CMIP: variants seen among roughly 807,000 people sequenced by gnomAD.
The protein encoded by CMIP is C-Maf-inducing protein.
CMIP carries 13 observed loss-of-function variants against 97.3 expected under a neutral mutation model. The observed-to-expected ratio is 0.13, with a 90% confidence interval of 0.09 to 0.21. CMIP has a LOEUF of 0.21. CMIP is among the 10% of genes least tolerant of loss of function. The probability of loss-of-function intolerance (pLI) is 1.00; values close to 1 mark genes in which losing one functional copy is unlikely to be tolerated. For missense variants in CMIP, 847 were observed against 1,024.9 expected, an observed-to-expected ratio of 0.83 and a Z score of 2.37; for synonymous variants, 538 against 436.3, an observed-to-expected ratio of 1.23 and a Z score of -2.91.
chr16:81,473,745 G>A (rs1172838492), intron 1 of CMIP, among the ~76,000 whole-genome samples: 1 of 151,580 alleles, frequency 6.6e-6, no homozygotes, highest in African/African-American at 2.4e-5. Context: ...TTGAGCAGAA[G>A]CTGCAAGCGG....
intron 1 of CMIP, among the ~76,000 whole-genome samples, chr16:81,580,320 C>T (rs528640061): frequency 1.1e-4 from 16 of 152,308 alleles, no homozygotes; most frequent in East Asian, 5.8e-4. Flanking sequence ...GTGAGCTACA[C>T]GCTGGGCACT....
chr16:81,668,700 T>C (rs903520614), intron 7 of CMIP, among the ~76,000 whole-genome samples: 1 of 152,048 alleles, frequency 6.6e-6, no homozygotes, highest in African/African-American at 2.4e-5. Flanking sequence ...CCCCTCATCA[T>C]AGTGACACGT....
chr16:81,542,800 C>G, intron 1 of CMIP, among the ~76,000 whole-genome samples: 1 of 152,180 alleles, frequency 6.6e-6, no homozygotes, highest in Non-Finnish European at 1.5e-5. Context: ...AAACCCTAAT[C>G]ACCTCCCAAA....
rs762617680 is a variant in CMIP, at chr16:81,678,480, C to G, written c.1240C>G (p.Pro414Ala). 6.9e-6 allele frequency: 11 copies of G among 1,594,692 alleles called. No homozygotes were observed. The African/African-American group carries it at 1.5e-4, about 21-fold the overall frequency. Residue 414 changes from proline (P) to alanine (A), a missense_variant, in exon 10 of 21, where the codon CCG becomes GCG. Pro to Ala is a conservative substitution (Grantham distance 27). This residue lies in a region of CMIP where 202 missense variants were observed against 168.7 expected (regional missense o/e 1.20). Coordinates refer to ENST00000537098, the MANE Select transcript of CMIP (RefSeq NM_198390.3). ...VEVERTSTAK[P>A]ALTASAGNDS... ...GGTGGAACGCACCAGCACTGCCAAG[C>G]CGGCGCTGACGGCCAGCGCAGGCAA...
chr16:81,617,556 A>G (rs2091936230), intron 2 of CMIP: 1 of 152,390 alleles, frequency 6.6e-6, no homozygotes, highest in African/African-American at 2.4e-5. Flanking sequence ...TGGGCTAGCC[A>G]TCGTGGAGGA....
intron 1 of CMIP, among the ~76,000 whole-genome samples, chr16:81,473,010 C>G (rs555247615): frequency 6.6e-6 from 1 of 152,304 alleles, no homozygotes; most frequent in Non-Finnish European, 1.5e-5. Context: ...GTGGGCCAAG[C>G]TTACATAGAT....
At chr16:81,450,575 T>C (rs1430731351) in intron 1 of CMIP, among the ~76,000 whole-genome samples, 3 of 152,180 alleles carry the variant, frequency 2.0e-5, no homozygotes, top group South Asian at 4.1e-4. Flanking sequence ...GCTTCATGAC[T>C]TTCTGCACAA....
chr16:81,561,077 C>G (rs1348883785), intron 1 of CMIP, among the ~76,000 whole-genome samples: 1 of 152,192 alleles, frequency 6.6e-6, no homozygotes. Context: ...GCCTCAGCCT[C>G]CTAAGTAGCT....
chr16:81,710,623 T>TA lies in CMIP; in HGVS notation c.*824_*825insA, dbSNP rs1455411394. On this transcript the variant is annotated 3_prime_UTR_variant, in exon 21 of 21. Coordinates refer to ENST00000537098, the MANE Select transcript of CMIP (RefSeq NM_198390.3). Reference sequence around the variant, plus strand: ...GCTAATGCTCTCTCGTCTGTCTGTCTGTCTGCCCACTCCCCCACCCACCAC... The same window carrying TA: ...GCTAATGCTCTCTCGTCTGTCTGTCTAGTCTGCCCACTCCCCCACCCACCAC... 3 of 152,300 alleles carry TA rather than the reference T, an allele frequency of 2.0e-5. No individual in the cohort carries two copies. Among genetic ancestry groups the TA allele is most frequent in the Non-Finnish European group, 4.4e-5 (3 of 68,032 alleles). The allele number at this position is 152,300 out of a possible 1,614,324, so 9.4% of individuals were successfully genotyped here.
intron 1 of CMIP, among the ~76,000 whole-genome samples, chr16:81,588,463 C>T (rs1248734719): frequency 6.6e-6 from 1 of 152,100 alleles, no homozygotes; most frequent in Non-Finnish European, 1.5e-5. Context: ...CGTCCATTGA[C>T]CTCGTTTACG....
chr16:81,635,997 G>T (rs144794164), intron 3 of CMIP, among the ~76,000 whole-genome samples: 2 of 152,288 alleles, frequency 1.3e-5, no homozygotes, highest in East Asian at 1.9e-4. Context: ...GAGGGCCGTG[G>T]TAAGGTTAAA....
At chr16:81,501,996 A>G (rs2089622256) in intron 1 of CMIP, among the ~76,000 whole-genome samples, 1 of 152,178 alleles carries the variant, frequency 6.6e-6, no homozygotes, top group South Asian at 2.1e-4. Flanking sequence ...GGACTTTTTT[A>G]TTCAGTCAAC....
At chr16:81,481,639 C>T (rs1054772478) in intron 1 of CMIP, among the ~76,000 whole-genome samples, 1 of 152,132 alleles carries the variant, frequency 6.6e-6, no homozygotes, top group Non-Finnish European at 1.5e-5. Context: ...GACAAATGAC[C>T]ACAGGCTTTG....
intron 19 of CMIP, among the ~76,000 whole-genome samples, chr16:81,706,384 T>C (rs1010041266): frequency 6.6e-6 from 1 of 152,042 alleles, no homozygotes; most frequent in Non-Finnish European, 1.5e-5. Context: ...AAATGCTGGG[T>C]GGCTTGGGAG....
intron 17 of CMIP, 41 bp from the exon 18 acceptor site, chr16:81,703,898 T>A (rs1313388526): frequency 6.4e-7 from 1 of 1,568,800 alleles, no homozygotes; most frequent in South Asian, 1.2e-5. Flanking sequence ...TCTCGGGAAC[T>A]CCCAGCAGCA....
chr16:81,499,690 C>G (rs1378147853), intron 1 of CMIP, among the ~76,000 whole-genome samples: 1 of 152,360 alleles, frequency 6.6e-6, no homozygotes, highest in African/African-American at 2.4e-5. Flanking sequence ...GGTGGCTCCC[C>G]AAAGGCTTCC....
chr16:81,464,623 G>A (rs1288171838), intron 1 of CMIP: 1 of 152,186 alleles, frequency 6.6e-6, no homozygotes, highest in African/African-American at 2.4e-5. Context: ...CCATTTGTAA[G>A]TGTACAATTC....
At chr16:81,569,131 C>G (rs1053856802) in intron 1 of CMIP, among the ~76,000 whole-genome samples, 19 of 152,274 alleles carry the variant, frequency 1.2e-4, no homozygotes, top group African/African-American at 4.6e-4. Flanking sequence ...CATAATCGCC[C>G]TCCTCTAAAT....
At position 81,701,530 on chromosome 16, in the gene CMIP, A is replaced by T; in HGVS notation, c.1756-130A>T. The T allele has an allele frequency of 3.1e-6, 4 of 1,301,222 alleles. No individual in the cohort carries two copies. The Middle Eastern group carries it at 7.5e-4, about 245-fold the overall frequency. The allele number at this position is 1,301,222 out of a possible 1,614,324, so 80.6% of individuals were successfully genotyped here. A position where few individuals can be genotyped will look rare whatever the true frequency, so the allele number is the denominator to read the frequency against. Reference sequence around the variant, plus strand: ...TTGGGCAGGTGATTTGCCCAGGCTTACACAGCCGGGGCTGCAGAAAGGGGA... The same window carrying T: ...TTGGGCAGGTGATTTGCCCAGGCTTTCACAGCCGGGGCTGCAGAAAGGGGA... On this transcript the variant is annotated intron_variant, in intron 15 of 20. Transcript: ENST00000537098.
Sources: gnomAD v4.1 joint callset for allele counts (sites outside exome capture counted in the v4.1 genomes callset) on GRCh38, gnomAD v4.1.1 for gene constraint, gnomAD v4.1.1 regional missense constraint, MANE v1.5 for transcripts, NCBI Gene and HGNC (gene_info 2026-07-23, HGNC 2026-07-21) for gene names.